NR2F1-AS1: variants seen among roughly 807,000 people sequenced by gnomAD.
NR2F1-AS1 encodes the protein NR2F1 regulatory antisense RNA 1.
chr5:93,413,704 G>A (rs760920573), intron 4 of NR2F1-AS1, among the ~76,000 whole-genome samples: 25 of 152,164 alleles, frequency 1.6e-4, no homozygotes, highest in Non-Finnish European at 2.5e-4. Flanking sequence ...GGATCTGAAT[G>A]CAATTAGAAT....
chr5:93,446,272 C>T (rs1749704314), intron 4 of NR2F1-AS1, among the ~76,000 whole-genome samples: 1 of 152,164 alleles, frequency 6.6e-6, no homozygotes, highest in Admixed American at 6.5e-5. Flanking sequence ...TCCCTGTTTG[C>T]AGATGACATG....
chr5:93,437,357 T>C (rs1347498437), intron 4 of NR2F1-AS1, among the ~76,000 whole-genome samples: 1 of 152,210 alleles, frequency 6.6e-6, no homozygotes, highest in Non-Finnish European at 1.5e-5. Flanking sequence ...TGAAACAATA[T>C]TTCGATATAT....
At chr5:93,412,456 T>C (rs1201600644) in intron 4 of NR2F1-AS1, among the ~76,000 whole-genome samples, 2 of 152,210 alleles carry the variant, frequency 1.3e-5, no homozygotes, top group African/African-American at 4.8e-5. Context: ...GAGCAGACCA[T>C]AGAGAAGCAA....
intron 1 of NR2F1-AS1, among the ~76,000 whole-genome samples, chr5:93,574,553 G>T (rs1580347416): frequency 6.6e-6 from 1 of 152,218 alleles, no homozygotes; most frequent in South Asian, 2.1e-4. Flanking sequence ...TGGGGGACAG[G>T]TTTCAACTCT....
chr5:93,526,751 G>A (rs891412473), intron 4 of NR2F1-AS1, among the ~76,000 whole-genome samples: 2 of 152,074 alleles, frequency 1.3e-5, no homozygotes, highest in Non-Finnish European at 2.9e-5. Flanking sequence ...AAAACCACAT[G>A]ATTATCTCAA....
intron 4 of NR2F1-AS1, among the ~76,000 whole-genome samples, chr5:93,523,995 A>G (rs993758840): frequency 1.3e-4 from 20 of 152,114 alleles, no homozygotes; most frequent in Admixed American, 1.1e-3. Context: ...AAAACTGGAC[A>G]GAGAATGAGT....
At chr5:93,515,016 A>G (rs1414668135) in intron 4 of NR2F1-AS1, among the ~76,000 whole-genome samples, 2 of 151,926 alleles carry the variant, frequency 1.3e-5, no homozygotes, top group Non-Finnish European at 2.9e-5. Context: ...TAATGCTTCC[A>G]TTGATATCTT....
At chr5:93,558,699 T>A (rs981080439) in intron 2 of NR2F1-AS1, among the ~76,000 whole-genome samples, 1 of 152,212 alleles carries the variant, frequency 6.6e-6, no homozygotes, top group African/African-American at 2.4e-5. Context: ...ACAGATGTTG[T>A]ATTAGCAGAC....
intron 4 of NR2F1-AS1, among the ~76,000 whole-genome samples, chr5:93,539,232 T>G (rs1751900008): frequency 1.3e-5 from 2 of 152,020 alleles, no homozygotes; most frequent in Non-Finnish European, 2.9e-5. Context: ...GAGCTGAGAT[T>G]GCGCCTCTGC....
intron 4 of NR2F1-AS1, among the ~76,000 whole-genome samples, chr5:93,485,614 C>G (rs1193364505): frequency 6.6e-6 from 1 of 152,132 alleles, no homozygotes; most frequent in East Asian, 1.9e-4. Context: ...AAGATCAGAG[C>G]AGAACTGAAG....
intron 4 of NR2F1-AS1, among the ~76,000 whole-genome samples, chr5:93,514,533 A>T (rs1751363801): frequency 6.6e-6 from 1 of 152,110 alleles, no homozygotes; most frequent in Admixed American, 6.6e-5. Flanking sequence ...TCTAGGAGAA[A>T]GACTGAGAGT....
chr5:93,456,031 G>A (rs1749940433), intron 4 of NR2F1-AS1, among the ~76,000 whole-genome samples: 1 of 152,074 alleles, frequency 6.6e-6, no homozygotes, highest in Admixed American at 6.6e-5. Flanking sequence ...TAGGAACTAA[G>A]CAAGGACATA....
intron 4 of NR2F1-AS1, among the ~76,000 whole-genome samples, chr5:93,424,174 C>A (rs1749147623): frequency 6.6e-6 from 1 of 152,094 alleles, no homozygotes; most frequent in Admixed American, 6.6e-5. Flanking sequence ...CATCTACTCT[C>A]ATGACTTCAA....
chr5:93,534,635 T>C (rs1751802158), intron 4 of NR2F1-AS1, among the ~76,000 whole-genome samples: 2 of 152,188 alleles, frequency 1.3e-5, no homozygotes, highest in Admixed American at 1.3e-4. Flanking sequence ...TTAATTCAAA[T>C]AATGAGAAAA....
At chr5:93,481,258 T>C (rs148441942) in intron 4 of NR2F1-AS1, among the ~76,000 whole-genome samples, 13 of 152,144 alleles carry the variant, frequency 8.5e-5, no homozygotes, top group Non-Finnish European at 1.6e-4. Flanking sequence ...CATCAAAAAC[T>C]ATTGCAAAAG....
intron 4 of NR2F1-AS1, among the ~76,000 whole-genome samples, chr5:93,488,915 G>T (rs980283680): frequency 6.6e-6 from 1 of 152,144 alleles, no homozygotes; most frequent in Non-Finnish European, 1.5e-5. Flanking sequence ...ATACTATGCA[G>T]CCATAAAAAA....
chr5:93,436,739 TTA>T (rs1193194875), intron 4 of NR2F1-AS1, among the ~76,000 whole-genome samples: 1 of 152,142 alleles, frequency 6.6e-6, no homozygotes, highest in East Asian at 1.9e-4. Context: ...AGCCACAAAA[TTA>T]TGAGGCACCT....
intron 4 of NR2F1-AS1, among the ~76,000 whole-genome samples, chr5:93,437,841 A>C (rs1303376316): frequency 6.6e-6 from 1 of 152,212 alleles, no homozygotes; most frequent in South Asian, 2.1e-4. Flanking sequence ...TATACCAAAT[A>C]TTCCTTCAAA....
rs1358099046 is a variant in NR2F1-AS1 at position 93,434,916 on chromosome 5, A to G, written n.639-39374T>C. ...CTCAGTGAATCACATCAGGAAGTAC[A>G]TGATATTGGTTTGTCCAATTATTGG... On this transcript the variant is annotated intron_variant and non_coding_transcript_variant, in intron 4 of 5. Coordinates refer to ENST00000660523, the Ensembl canonical transcript of NR2F1-AS1. 2.0e-5 allele frequency among the ~76,000 whole-genome samples: 3 copies of G among 152,254 alleles called. No homozygotes were observed. In the East Asian group the frequency reaches 5.8e-4, roughly 29 times the overall value.
Sources: allele counts gnomAD v4.1 joint callset (sites outside exome capture counted in the v4.1 genomes callset), GRCh38; gene constraint gnomAD v4.1.1; transcripts MANE v1.5; gene names NCBI Gene and HGNC (gene_info 2026-07-23, HGNC 2026-07-21).